The following GNG4 variants were observed in gnomAD, a reference collection of about 807,000 sequenced individuals.
GNG4 encodes G protein subunit gamma 4.
GNG4 carries 4 observed loss-of-function variants against 5.8 expected under a neutral mutation model. The ratio of observed to expected loss-of-function variants is 0.69; its 90% CI spans 0.34 to 1.57. The LOEUF is 1.57. Ranked by LOEUF, GNG4 falls within the 40% of genes most tolerant of loss-of-function variation. GNG4 has a pLI of 0.06. For synonymous variants in GNG4, 29 were observed against 32.9 expected, an observed-to-expected ratio of 0.88 and a Z score of 0.41; for missense variants, 96 against 95.1, an observed-to-expected ratio of 1.01 and a Z score of -0.04.
chr1:235,643,957 C>T (rs1051385571), intron 1 of GNG4, among the ~76,000 whole-genome samples: 5 of 152,168 alleles, frequency 3.3e-5, no homozygotes, highest in African/African-American at 7.2e-5. Flanking sequence ...AAGGCGGGGA[C>T]GCGGCAGAGC....
intron 1 of GNG4, among the ~76,000 whole-genome samples, chr1:235,641,358 C>G (rs1657323426): frequency 6.6e-6 from 1 of 152,146 alleles, no homozygotes; most frequent in Non-Finnish European, 1.5e-5. Context: ...TCACTGCACA[C>G]CAGCCTGGGC....
intron 3 of GNG4, among the ~76,000 whole-genome samples, chr1:235,571,821 T>C (rs1170345223): frequency 6.6e-6 from 1 of 152,182 alleles, no homozygotes; most frequent in Non-Finnish European, 1.5e-5. Flanking sequence ...CTACAAACTT[T>C]TTAAATGTTA....
intron 1 of GNG4, among the ~76,000 whole-genome samples, chr1:235,629,412 C>T (rs1158206905): frequency 3.9e-5 from 6 of 151,982 alleles, no homozygotes; most frequent in Non-Finnish European, 7.4e-5. Flanking sequence ...AATTTCAATG[C>T]AGTTGCCTTT....
At chr1:235,612,480 C>T (rs911580125) in intron 1 of GNG4, among the ~76,000 whole-genome samples, 5 of 152,224 alleles carry the variant, frequency 3.3e-5, no homozygotes, top group Non-Finnish European at 5.9e-5. Context: ...CTTTCACAAG[C>T]GTCACTGTCT....
chr1:235,603,901 A>T (rs140035436), intron 1 of GNG4, among the ~76,000 whole-genome samples: 3 of 152,174 alleles, frequency 2.0e-5, no homozygotes, highest in African/African-American at 7.2e-5. Context: ...ACTTAAGAAC[A>T]TTTGACAAAT....
intron 2 of GNG4, among the ~76,000 whole-genome samples, chr1:235,584,829 C>T (rs1192067537): frequency 6.6e-6 from 1 of 152,164 alleles, no homozygotes; most frequent in African/African-American, 2.4e-5. Context: ...GGGAAGAGGC[C>T]CTGGCCACCA....
chr1:235,595,923 C>T (rs999412643), intron 1 of GNG4, among the ~76,000 whole-genome samples: 1 of 152,032 alleles, frequency 6.6e-6, no homozygotes, highest in African/African-American at 2.4e-5. Flanking sequence ...GCCTGTAATC[C>T]CAGCACTTTG....
In GNG4 at chr1:235,648,076, T is replaced by C. The variant is rs1657556333; in HGVS notation, c.-123+1586A>G. On this transcript the variant is annotated intron_variant, in intron 1 of 3. Transcript: ENST00000391854. The surrounding 1 kb of genome is among the most constrained non-coding windows in gnomAD (Gnocchi z 5.0). ...CAGTTTGCATGAGAAACGCCAATCA[T>C]AGGACTGCTGGGAATGGCCCCTTAG... Among the ~76,000 whole-genome samples the C allele has an allele frequency of 6.6e-6, 1 of 152,024 alleles. No homozygotes were observed. Among genetic ancestry groups the C allele is most frequent in the South Asian group, 2.1e-4 (1 of 4,822 alleles).
upstream of GNG4, chr1:235,650,128 C>A (rs1285361920): frequency 2.0e-5 from 3 of 150,376 alleles, no homozygotes; most frequent in Non-Finnish European, 4.5e-5. Context: ...CGGGCCCGCG[C>A]CCCCCGCCCG....
chr1:235,650,108 C>CGCCCCA (rs1405853649), upstream of GNG4: 1 of 150,278 alleles, frequency 6.7e-6, no homozygotes, highest in African/African-American at 2.4e-5. Flanking sequence ...CCCCCGCCCC[C>CGCCCCA]GCCCCAGCCC....
chr1:235,587,600 A>ATGTGTGTGT (rs1558486332), intron 2 of GNG4, among the ~76,000 whole-genome samples: 35 of 454 alleles, frequency 0.077, no homozygotes, highest in Non-Finnish European at 0.084. Flanking sequence ...TGAGTGTGGG[A>ATGTGTGTGT]GGGCATGGGG....
chr1:235,614,302 G>A (rs1475399582), intron 1 of GNG4, among the ~76,000 whole-genome samples: 4 of 151,540 alleles, frequency 2.6e-5, no homozygotes, highest in African/African-American at 9.7e-5. Context: ...TTTCTTGGAT[G>A]GTCTGGCTAG....
At chr1:235,618,660 GT>G (rs1280912368) in intron 1 of GNG4, among the ~76,000 whole-genome samples, 4,883 of 139,932 alleles carry the variant, frequency 0.035, 235 homozygotes, top group African/African-American at 0.12. Flanking sequence ...TAATCTTTTT[GT>G]TTTTTTTTTT....
At chr1:235,602,737 C>G (rs1363587107) in intron 1 of GNG4, among the ~76,000 whole-genome samples, 1 of 152,148 alleles carries the variant, frequency 6.6e-6, no homozygotes, top group Non-Finnish European at 1.5e-5. Context: ...ACATTTTACC[C>G]TAAAATTCTG....
rs1657592166 is a variant in GNG4, at chr1:235,649,141, G to A, written c.-123+521C>T. 6.6e-6 allele frequency among the ~76,000 whole-genome samples: 1 copy of A among 152,178 alleles called. No homozygotes were observed. The highest frequency in any genetic ancestry group is 2.4e-5 in the African/African-American group (1 of 41,444). The stretch of plus-strand genomic sequence containing the variant: ...CACCCTCAGCTGCGGTGGCTCCAGC[G>A]TCACCCCGAGTGCTCCCGAGGCGGC... On this transcript the variant is annotated intron_variant, in intron 1 of 3. Coordinates refer to ENST00000391854, the MANE Select transcript of GNG4 (RefSeq NM_001098722.2). The surrounding 1 kb of genome is among the most constrained non-coding windows in gnomAD (Gnocchi z 5.7).
intron 1 of GNG4, among the ~76,000 whole-genome samples, chr1:235,618,800 C>T (rs1006515428): frequency 2.6e-5 from 4 of 151,608 alleles, no homozygotes; most frequent in African/African-American, 9.7e-5. Flanking sequence ...GGATTACAGG[C>T]ATGTGCCACC....
chr1:235,650,092 TCCCCGCCCCCGC>T (rs554650700), upstream of GNG4: 4 of 144,996 alleles, frequency 2.8e-5, no homozygotes, highest in South Asian at 4.3e-4. Flanking sequence ...GCTCCCGCGC[TCCCCGCCCCCGC>T]CCCCGCCCCA....
intron 3 of GNG4, among the ~76,000 whole-genome samples, chr1:235,576,670 T>A (rs1187160269): frequency 6.6e-6 from 1 of 152,180 alleles, no homozygotes; most frequent in Non-Finnish European, 1.5e-5. Flanking sequence ...TGCTTTGATG[T>A]GCTTCTAGGC....
rs1657462319 is a variant in GNG4, at chr1:235,644,862, T to C, written c.-123+4800A>G. Among the ~76,000 whole-genome samples, 1 of 152,032 alleles carries C rather than the reference T, an allele frequency of 6.6e-6. No homozygotes were observed. Among genetic ancestry groups the C allele is most frequent in the African/African-American group, 2.4e-5 (1 of 41,404 alleles). ...GCTGGAGAGACATCCAGGAGGAGGA[T>C]GCCAGTTGTTGGGTGTAGCTGGACC... is the stretch of plus-strand genomic sequence containing the variant. On this transcript the variant is annotated intron_variant, in intron 1 of 3. Transcript: ENST00000391854. This position sits in a 1 kb window ranked among gnomAD's most constrained non-coding sequence, Gnocchi z 5.9.
Sources: gnomAD v4.1 joint callset for allele counts (sites outside exome capture counted in the v4.1 genomes callset) on GRCh38, gnomAD v4.1.1 for gene constraint, Gnocchi (gnomAD v3.1) non-coding constraint, MANE v1.5 for transcripts, NCBI Gene and HGNC (gene_info 2026-07-23, HGNC 2026-07-21) for gene names.